WNT7B: variants seen among roughly 807,000 people sequenced by gnomAD.
WNT7B encodes protein Wnt-7b.
Under a neutral mutation model 38.2 loss-of-function variants are expected in WNT7B, and 19 were observed. The observed-to-expected ratio is 0.50, with a 90% CI of 0.35 to 0.73. WNT7B has a LOEUF of 0.73. Ranked by LOEUF, WNT7B falls within the 30% of genes least tolerant of loss-of-function variation. WNT7B has a pLI of 0.01. For missense variants in WNT7B, 423 were observed against 507.9 expected (o/e 0.83, Z 1.61); for synonymous variants, 243 against 209.3 (o/e 1.16, Z -1.39).
chr22:45,943,234 C>T (rs1172805982), intron 2 of WNT7B, among the ~76,000 whole-genome samples: 2 of 152,228 alleles, frequency 1.3e-5, no homozygotes, highest in East Asian at 1.9e-4. Context: ...CCAGCCCCAC[C>T]CGGACCCCAC....
In WNT7B at chr22:45,923,148, C is replaced by A. The variant is rs747437374; in HGVS notation, c.758G>T (p.Arg253Leu). Residue 253 changes from arginine to leucine, a missense_variant, in exon 4 of 4, where the codon CGC becomes CTC. Physicochemically the swap from Arg to Leu is moderately radical, Grantham distance 102. Around this residue, in one of 3 missense-constraint regions of WNT7B, gnomAD observed 158 missense variants for 214.7 expected, o/e 0.74. Coordinates refer to ENST00000339464, the MANE Select transcript of WNT7B (RefSeq NM_058238.3). The part of the protein sequence containing the change: ...ASRLRQPTFL[R>L]IKQLRSYQKP... ...CTGATAGCTGCGCAGCTGTTTGATG[C>A]GCAGGAAGGTGGGCTGCCGCAGACG... The A allele has an allele frequency of 1.9e-6, 3 of 1,613,558 alleles. No individual in the cohort carries two copies. The highest frequency in any genetic ancestry group is 1.7e-5 in the Admixed American group (1 of 60,030).
intron 2 of WNT7B, among the ~76,000 whole-genome samples, chr22:45,939,632 A>ACACACACACACAC (rs1931593545): frequency 4.8e-5 from 7 of 144,786 alleles, no homozygotes; most frequent in African/African-American, 1.4e-4. Flanking sequence ...TGTCTCTACA[A>ACACACACACACAC]ACACACACAC....
chr22:45,970,735 G>C (rs1021554373), intron 1 of WNT7B, among the ~76,000 whole-genome samples: 2 of 152,130 alleles, frequency 1.3e-5, no homozygotes, highest in African/African-American at 4.8e-5. Flanking sequence ...GCCTCCAACC[G>C]CTAGACGCTG....
rs1932561990 is a variant in WNT7B, at chr22:45,976,812, C to G, written c.-58G>C. Reference sequence around the variant, plus strand: ...GGCGGCCGGAGGGGACGCGCGGGCCCGGCAGGGCCGGGCAGGGGCCAGGGG... The same window carrying G: ...GGCGGCCGGAGGGGACGCGCGGGCCGGGCAGGGCCGGGCAGGGGCCAGGGG... On this transcript the variant is annotated 5_prime_UTR_variant, in exon 1 of 4. Transcript: ENST00000339464. This position sits in a 1 kb window ranked among gnomAD's most constrained non-coding sequence, Gnocchi z 8.5. 1 of 1,517,518 alleles carries G rather than the reference C, an allele frequency of 6.6e-7. No homozygotes were observed. Among genetic ancestry groups the G allele is most frequent in the African/African-American group, 1.4e-5 (1 of 71,494 alleles). 94.0% of individuals were successfully genotyped at this position (1,517,518 alleles called of 1,614,324 possible).
intron 1 of WNT7B, among the ~76,000 whole-genome samples, chr22:45,968,986 G>A (rs769397463): frequency 6.6e-6 from 1 of 152,216 alleles, no homozygotes; most frequent in Non-Finnish European, 1.5e-5. Flanking sequence ...CTCCAGGCTG[G>A]GAGTTGCCCC....
In WNT7B at chr22:45,939,671, A is replaced by AC. The variant is rs56044141; in HGVS notation, c.299-8303_299-8302insG. ...CACTCACACACACACACACACACAC[A>AC]AAAATAGCCAGGTGTGGTGGTGCAC... On this transcript the variant is annotated intron_variant, in intron 2 of 3. Transcript: ENST00000339464. Among the ~76,000 whole-genome samples the AC allele has an allele frequency of 1.7e-3, 259 of 151,568 alleles. 1 individual carries two copies. Among genetic ancestry groups the AC allele is most frequent in the African/African-American group, 4.8e-3 (198 of 41,238 alleles).
chr22:45,931,051 T>C (rs775829213), intron 3 of WNT7B, 47 bp downstream of exon 3: 1 of 1,521,724 alleles, frequency 6.6e-7, no homozygotes, highest in Admixed American at 2.0e-5. Flanking sequence ...CAGCGGGTGA[T>C]ACAGCGGTCC....
intron 3 of WNT7B, 132 bp downstream of exon 3, chr22:45,930,966 G>A: frequency 7.8e-7 from 1 of 1,284,526 alleles, no homozygotes; most frequent in East Asian, 2.6e-5. Flanking sequence ...GGAGGACCCA[G>A]ACGGCCCCAC....
intron 2 of WNT7B, among the ~76,000 whole-genome samples, chr22:45,941,776 C>T (rs1931655322): frequency 6.6e-6 from 1 of 152,248 alleles, no homozygotes; most frequent in Non-Finnish European, 1.5e-5. Flanking sequence ...GGGGCTTGTG[C>T]TCCGTGACCC....
chr22:45,946,198 G>C (rs1931791399), intron 2 of WNT7B, among the ~76,000 whole-genome samples: 1 of 152,176 alleles, frequency 6.6e-6, no homozygotes, highest in Non-Finnish European at 1.5e-5. Context: ...TCACCCTCCA[G>C]CCTCTCCTGT....
chr22:45,949,835 G>C, intron 2 of WNT7B, 85 bp downstream of exon 2: 1 of 1,342,532 alleles, frequency 7.4e-7, no homozygotes, highest in Non-Finnish European at 1.0e-6. Context: ...GCAGAACAGC[G>C]GCCTAGGCTG....
chr22:45,925,641 T>C, intron 3 of WNT7B: 1 of 985,312 alleles, frequency 1.0e-6, no homozygotes, highest in Non-Finnish European at 1.2e-6. Context: ...TGTCCCCTCC[T>C]GGAAAAGCCC....
chr22:45,936,013 T>C lies in WNT7B; in HGVS notation c.299-4644A>G, dbSNP rs529420690. On this transcript the variant is annotated intron_variant, in intron 2 of 3. Coordinates refer to ENST00000339464, the MANE Select transcript of WNT7B (RefSeq NM_058238.3). ...AGCACAGGTCTGTACCCCCAGATTC[T>C]AGAGCCAGCAGCAGCATCCAGCAGT... 1.1e-5 allele frequency: 11 copies of C among 985,272 alleles called. No homozygotes were observed. The South Asian group carries it at 4.7e-4, about 42-fold the overall frequency. 61.0% of individuals were successfully genotyped at this position (985,272 alleles called of 1,614,324 possible). A position where few individuals can be genotyped will look rare whatever the true frequency, so the allele number is the denominator to read the frequency against.
chr22:45,955,732 T>G (rs1423537909), intron 1 of WNT7B, among the ~76,000 whole-genome samples: 1 of 152,170 alleles, frequency 6.6e-6, no homozygotes, highest in Non-Finnish European at 1.5e-5. Flanking sequence ...TCTGGAAAGT[T>G]TCCTTACCCC....
In WNT7B at chr22:45,975,577, G is replaced by T. The variant is rs993179216; in HGVS notation, c.71+1107C>A. 1 of 716,948 alleles carries T rather than the reference G, an allele frequency of 1.4e-6. No individual in the cohort carries two copies. The highest frequency in any genetic ancestry group is 2.6e-6 in the Non-Finnish European group (1 of 384,736). 44.4% of individuals were successfully genotyped at this position (716,948 alleles called of 1,614,324 possible). ...ATGGCGGGGCAGACATGGGATGGAG[G>T]GTGATGGAGAGACGATTCCCAGCGC... On this transcript the variant is annotated intron_variant, in intron 1 of 3. Transcript: ENST00000339464. This position sits in a 1 kb window ranked among gnomAD's most constrained non-coding sequence, Gnocchi z 6.6.
chr22:45,928,221 G>A (rs1278176354), intron 3 of WNT7B, among the ~76,000 whole-genome samples: 1 of 152,148 alleles, frequency 6.6e-6, no homozygotes, highest in Non-Finnish European at 1.5e-5. Context: ...GGGGGGCAGG[G>A]GCAGGCCTGG....
At chr22:45,969,986 G>A (rs894741566) in intron 1 of WNT7B, among the ~76,000 whole-genome samples, 4 of 152,182 alleles carry the variant, frequency 2.6e-5, no homozygotes, top group Non-Finnish European at 2.9e-5. Flanking sequence ...TGCAGCCATC[G>A]GGTCAGAGAC....
At chr22:45,964,447 G>A (rs1601740214) in intron 1 of WNT7B, among the ~76,000 whole-genome samples, 1 of 152,304 alleles carries the variant, frequency 6.6e-6, no homozygotes, top group East Asian at 1.9e-4. Context: ...GGGAGTCATG[G>A]GGCACACAGG....
intron 1 of WNT7B, among the ~76,000 whole-genome samples, chr22:45,970,711 G>T (rs1349766589): frequency 6.6e-6 from 1 of 152,214 alleles, no homozygotes; most frequent in Non-Finnish European, 1.5e-5. Context: ...TTCTGGGGAG[G>T]GGGAGGCTTC....
Sources: gnomAD v4.1 joint callset for allele counts (sites outside exome capture counted in the v4.1 genomes callset) on GRCh38, gnomAD v4.1.1 for gene constraint, gnomAD v4.1.1 regional missense constraint, Gnocchi (gnomAD v3.1) non-coding constraint, MANE v1.5 for transcripts, NCBI Gene and HGNC (gene_info 2026-07-23, HGNC 2026-07-21) for gene names.